TTC6: variants seen among roughly 807,000 people sequenced by gnomAD.
TTC6 encodes the protein tetratricopeptide repeat protein 6.
A neutral mutation model predicts 210.4 loss-of-function variants in TTC6; 172 were observed. That is an observed-to-expected ratio of 0.82 (90% CI 0.72 to 0.93). The LOEUF is 0.93. Among genes scored for constraint, TTC6 ranks in the 40% least tolerant of loss-of-function variants. The pLI is 0.00. For missense variants in TTC6, 2,414 were observed against 2,318.1 expected (o/e 1.04, Z -0.85); for synonymous variants, 804 against 819.6 (o/e 0.98, Z 0.32).
At chr14:37,803,997 G>C (rs2096112800) in intron 20 of TTC6, among the ~76,000 whole-genome samples, 1 of 152,106 alleles carries the variant, frequency 6.6e-6, no homozygotes, top group South Asian at 2.1e-4. Context: ...ATATACAGTG[G>C]GTAGTTAAGT....
chr14:37,783,604 GA>G (rs1389550283), intron 14 of TTC6, among the ~76,000 whole-genome samples: 1 of 151,858 alleles, frequency 6.6e-6, no homozygotes, highest in Non-Finnish European at 1.5e-5. Context: ...TTGATTTTTT[GA>G]AGGATTTTTT....
At position 37,714,789 on chromosome 14, in the gene TTC6, G is replaced by T. The variant is rs760898965; in HGVS notation, c.1706G>T (p.Gly569Val). 3.5e-5 allele frequency: 54 copies of T among 1,533,818 alleles called. No homozygotes were observed. In the African/African-American group the frequency reaches 5.9e-4, roughly 17 times the overall value. Residue 569 changes from glycine to valine, a missense_variant, in exon 6 of 31, where the codon GGA becomes GTA. By Grantham distance (109) the Gly-to-Val change is moderately radical. Coordinates refer to ENST00000553443, the Ensembl canonical transcript of TTC6. The stretch of plus-strand genomic sequence containing the variant: ...CACAAACCACACTTGGAAGTCTTGG[G>T]AGAGGAAGTAAGAACTTTCTTTAAT...
intron 1 of TTC6, among the ~76,000 whole-genome samples, chr14:37,636,703 A>G (rs912713184): frequency 6.6e-6 from 1 of 152,226 alleles, no homozygotes; most frequent in Non-Finnish European, 1.5e-5. Context: ...CTAATGTTAT[A>G]ATGGCTGGTT....
At chr14:37,692,975 A>C (rs1232206999) in intron 3 of TTC6, among the ~76,000 whole-genome samples, 1 of 152,166 alleles carries the variant, frequency 6.6e-6, no homozygotes, top group Non-Finnish European at 1.5e-5. Context: ...CCTTTCCTCT[A>C]AGATCTGAAG....
At chr14:37,665,756 G>T in intron 1 of TTC6, among the ~76,000 whole-genome samples, 1 of 150,512 alleles carries the variant, frequency 6.6e-6, no homozygotes, top group East Asian at 1.9e-4. Flanking sequence ...GCAGGGCCAA[G>T]CTGAGCTTGT....
intron 1 of TTC6, among the ~76,000 whole-genome samples, chr14:37,655,411 T>C (rs2095720419): frequency 6.6e-6 from 1 of 152,238 alleles, no homozygotes; most frequent in Admixed American, 6.5e-5. Context: ...TTTTAATTTC[T>C]GTATTGCTAC....
At chr14:37,622,223 C>A in exon 1 of TTC6, 1 of 1,535,592 alleles carries the variant, frequency 6.5e-7, no homozygotes, top group Non-Finnish European at 8.7e-7. Flanking sequence ...CAGTCCACAG[C>A]CTCCATGCCC....
intron 29 of TTC6, among the ~76,000 whole-genome samples, chr14:37,841,215 A>G (rs946619817): frequency 3.9e-5 from 6 of 152,142 alleles, no homozygotes; most frequent in Middle Eastern, 3.2e-3. Flanking sequence ...TATCGTTGAC[A>G]TTGTCTAGAA....
chr14:37,765,020 C>T (rs1229179315), intron 14 of TTC6, among the ~76,000 whole-genome samples: 1 of 151,220 alleles, frequency 6.6e-6, no homozygotes, highest in Admixed American at 6.6e-5. Context: ...TTTGTGATTA[C>T]CTTTGAATAA....
At chr14:37,787,623 A>G (rs758578170) in exon 15 of TTC6, 4 of 1,479,344 alleles carry the variant, frequency 2.7e-6, no homozygotes, top group Admixed American at 2.1e-5. Flanking sequence ...GCGCTACAGG[A>G]TTATAGTGTT....
At chr14:37,609,496 T>A (rs990178434) in intron 2 of TTC6, among the ~76,000 whole-genome samples, 6 of 152,174 alleles carry the variant, frequency 3.9e-5, no homozygotes, top group African/African-American at 1.4e-4. Flanking sequence ...GGACCTCAGG[T>A]GAATTCCTTA....
chr14:37,654,873 C>A (rs2095719123), intron 1 of TTC6, among the ~76,000 whole-genome samples: 1 of 152,114 alleles, frequency 6.6e-6, no homozygotes, highest in South Asian at 2.1e-4. Context: ...TCTTTGAAAA[C>A]TGTGGTTTTC....
intron 27 of TTC6, 56 bp downstream of exon 29, chr14:37,824,013 T>G (rs1364134101): frequency 4.6e-6 from 7 of 1,528,164 alleles, no homozygotes; most frequent in Non-Finnish European, 5.4e-6. Context: ...AAGAATATAT[T>G]TGGCTCTTTC....
intron 3 of TTC6, among the ~76,000 whole-genome samples, chr14:37,694,938 T>C (rs2095811748): frequency 6.7e-6 from 1 of 149,160 alleles, no homozygotes; most frequent in African/African-American, 2.5e-5. Flanking sequence ...TTACTTGGGA[T>C]GCTGAGGTAA....
rs781407244 is a variant in TTC6, at chr14:37,787,475, C to T, written c.3274C>T (p.Arg1092Ter). The change falls in exon 15 of 31, where the codon CGA (arginine) becomes TGA (stop). Residue 1092 changes from arginine (R) to a stop codon, truncating the protein, a stop_gained. Coordinates refer to ENST00000553443, the Ensembl canonical transcript of TTC6. LOFTEE classifies it high-confidence loss of function. ...CAAACTTTTTTTTCCTAGGACATAC[C>T]GAGGGATTGCATATGTTAAATGGAA... 5.7e-5 allele frequency: 87 copies of T among 1,518,228 alleles called. No individual in the cohort carries two copies. In the East Asian group the frequency reaches 1.1e-3, roughly 18 times the overall value. The allele number at this position is 1,518,228 out of a possible 1,614,324, so 94.0% of individuals were successfully genotyped here.
chr14:37,783,829 T>A (rs565495344), intron 14 of TTC6, among the ~76,000 whole-genome samples: 1 of 152,346 alleles, frequency 6.6e-6, no homozygotes, highest in African/African-American at 2.4e-5. Flanking sequence ...TGGGATTTTG[T>A]GTCTTTGTTC....
chr14:37,635,454 G>A (rs2095678317), intron 1 of TTC6, among the ~76,000 whole-genome samples: 1 of 152,168 alleles, frequency 6.6e-6, no homozygotes, highest in Non-Finnish European at 1.5e-5. Flanking sequence ...TAAATCCTAA[G>A]ATATCAGTAA....
At chr14:37,663,460 T>A (rs66467178) in intron 1 of TTC6, among the ~76,000 whole-genome samples, 11,792 of 152,228 alleles carry the variant, frequency 0.077, 566 homozygotes, top group African/African-American at 0.14. Flanking sequence ...TACAAAAATG[T>A]AATCAATCAT....
intron 10 of TTC6, among the ~76,000 whole-genome samples, chr14:37,747,545 C>T (rs1431376276): frequency 6.6e-6 from 1 of 152,142 alleles, no homozygotes; most frequent in Non-Finnish European, 1.5e-5. Flanking sequence ...GATCTTTTTA[C>T]AAGGATCCTA....
Sources: allele counts gnomAD v4.1 joint callset (sites outside exome capture counted in the v4.1 genomes callset), GRCh38; gene constraint gnomAD v4.1.1; transcripts MANE v1.5; gene names NCBI Gene and HGNC (gene_info 2026-07-23, HGNC 2026-07-21).